CDH19: variants seen among roughly 807,000 people sequenced by gnomAD.
CDH19 encodes the protein cadherin-19.
CDH19 carries 67 observed loss-of-function variants against 64.2 expected under a neutral mutation model. The observed-to-expected ratio is 1.04, with a 90% CI of 0.86 to 1.28. The LOEUF (loss-of-function observed/expected upper bound fraction) is 1.28. Among genes scored for constraint, CDH19 ranks in the 50% most tolerant of loss-of-function variants. CDH19 has a pLI of 0.00. For missense variants in CDH19, 1,030 were observed against 929.0 expected (o/e 1.11, Z -1.41); for synonymous variants, 346 against 319.3 (o/e 1.08, Z -0.89).
At chr18:66,541,455 T>G (rs1986882527) in intron 7 of CDH19, among the ~76,000 whole-genome samples, 1 of 152,150 alleles carries the variant, frequency 6.6e-6, no homozygotes. Flanking sequence ...TCAAATATTT[T>G]GGGGATCTTT....
chr18:66,535,654 T>C (rs1986634919), intron 7 of CDH19, among the ~76,000 whole-genome samples: 1 of 147,036 alleles, frequency 6.8e-6, no homozygotes, highest in Admixed American at 6.9e-5. Context: ...TAATACATTA[T>C]ATATGATATA....
rs114448612 is a variant in CDH19, at chr18:66,599,680, A to G, written c.-113+4274T>C. Among the ~76,000 whole-genome samples the G allele has an allele frequency of 2.6e-3, 403 of 152,186 alleles. 2 individuals carry two copies. The highest frequency in any genetic ancestry group is 9.2e-3 in the African/African-American group (383 of 41,564). On this transcript the variant is annotated intron_variant, in intron 1 of 11. Transcript: ENST00000262150. Reference sequence around the variant, plus strand: ...TGTCTCATAAATTTATTCAATTATAAATTGTCAATTTTCAATAAAAAATAA... The same window carrying G: ...TGTCTCATAAATTTATTCAATTATAGATTGTCAATTTTCAATAAAAAATAA...
At chr18:66,513,396 T>C (rs1228427746) in intron 9 of CDH19, among the ~76,000 whole-genome samples, 1 of 151,502 alleles carries the variant, frequency 6.6e-6, no homozygotes, top group African/African-American at 2.4e-5. Context: ...GCTTTGTAAG[T>C]TGGGCTTCCA....
chr18:66,567,574 A>G (rs193094282), intron 3 of CDH19, among the ~76,000 whole-genome samples: 1 of 151,996 alleles, frequency 6.6e-6, no homozygotes, highest in Admixed American at 6.6e-5. Context: ...AAAATCAAGA[A>G]TCAGAAAATT....
intron 3 of CDH19, among the ~76,000 whole-genome samples, chr18:66,558,756 T>TA (rs1987613445): frequency 6.6e-6 from 1 of 152,074 alleles, no homozygotes; most frequent in Non-Finnish European, 1.5e-5. Context: ...TCAATTGTCT[T>TA]ATAGTGCCCC....
chr18:66,540,251 T>C (rs1986836721), intron 7 of CDH19, among the ~76,000 whole-genome samples: 1 of 152,198 alleles, frequency 6.6e-6, no homozygotes, highest in Non-Finnish European at 1.5e-5. Context: ...TTGCTTTTTA[T>C]TTGCTCTTTT....
At chr18:66,538,401 T>G (rs1045089221) in intron 7 of CDH19, among the ~76,000 whole-genome samples, 2 of 152,248 alleles carry the variant, frequency 1.3e-5, no homozygotes, top group Middle Eastern at 3.4e-3. Context: ...GACAAAAGAA[T>G]AGTCATGTGT....
chr18:66,524,282 T>G (rs756548383), intron 9 of CDH19, among the ~76,000 whole-genome samples: 22 of 152,136 alleles, frequency 1.4e-4, no homozygotes, highest in South Asian at 1.2e-3. Context: ...GCTTTGGAAC[T>G]TTGAAGAAGC....
intron 11 of CDH19, among the ~76,000 whole-genome samples, chr18:66,508,659 C>A (rs896345709): frequency 6.6e-6 from 1 of 151,758 alleles, no homozygotes; most frequent in Non-Finnish European, 1.5e-5. Flanking sequence ...AATAAGCACT[C>A]GAGAGAAGCT....
chr18:66,571,604 T>C (rs1019498699), intron 2 of CDH19, among the ~76,000 whole-genome samples: 3 of 151,658 alleles, frequency 2.0e-5, no homozygotes, highest in Non-Finnish European at 4.4e-5. Flanking sequence ...TGTAGGAGAA[T>C]ATGGTATTAA....
intron 5 of CDH19, among the ~76,000 whole-genome samples, chr18:66,547,919 G>T (rs1313152931): frequency 6.8e-6 from 1 of 147,610 alleles, no homozygotes; most frequent in African/African-American, 2.5e-5. Context: ...CGCCCGCCTC[G>T]GCCTCCCAAA....
intron 1 of CDH19, among the ~76,000 whole-genome samples, chr18:66,599,467 GA>G (rs1186106474): frequency 6.6e-6 from 1 of 152,084 alleles, no homozygotes; most frequent in African/African-American, 2.4e-5. Flanking sequence ...TCACGTTTCA[GA>G]AGGGGTTCTA....
At chr18:66,587,493 AAAG>A (rs1428164074) in intron 1 of CDH19, among the ~76,000 whole-genome samples, 2 of 152,214 alleles carry the variant, frequency 1.3e-5, no homozygotes, top group Non-Finnish European at 2.9e-5. Context: ...CAAATAAAAA[AAAG>A]AAGAACTAAA....
chr18:66,589,357 A>G (rs1988676948), intron 1 of CDH19, among the ~76,000 whole-genome samples: 1 of 151,684 alleles, frequency 6.6e-6, no homozygotes. Context: ...AAGAATTTCT[A>G]ACAGTATTTA....
intron 1 of CDH19, among the ~76,000 whole-genome samples, chr18:66,580,792 T>C (rs1383150431): frequency 6.6e-6 from 1 of 152,138 alleles, no homozygotes; most frequent in African/African-American, 2.4e-5. Flanking sequence ...AAATGAATGG[T>C]AGCAGTAGGT....
chr18:66,545,237 C>G (rs1276297793), intron 5 of CDH19, among the ~76,000 whole-genome samples: 1 of 152,060 alleles, frequency 6.6e-6, no homozygotes, highest in Non-Finnish European at 1.5e-5. Context: ...CTCGGCCTCC[C>G]AAAGTGCTGG....
intron 1 of CDH19, among the ~76,000 whole-genome samples, chr18:66,576,162 C>A (rs1988260839): frequency 1.3e-5 from 2 of 150,498 alleles, no homozygotes; most frequent in Admixed American, 1.3e-4. Context: ...AAAAAACATA[C>A]AAGTAGCAAA....
chr18:66,542,233 G>A (rs532252306), intron 7 of CDH19, among the ~76,000 whole-genome samples: 6 of 152,204 alleles, frequency 3.9e-5, no homozygotes, highest in South Asian at 2.1e-4. Flanking sequence ...CTACATATGC[G>A]TATCAGAAGG....
intron 1 of CDH19, among the ~76,000 whole-genome samples, chr18:66,597,764 A>T (rs552351700): frequency 1.3e-5 from 2 of 152,256 alleles, no homozygotes; most frequent in African/African-American, 2.4e-5. Context: ...AAACAACCCC[A>T]TTTAAACATG....
Sources: gnomAD v4.1 joint callset for allele counts (sites outside exome capture counted in the v4.1 genomes callset) on GRCh38, gnomAD v4.1.1 for gene constraint, MANE v1.5 for transcripts, NCBI Gene and HGNC (gene_info 2026-07-23, HGNC 2026-07-21) for gene names.